Variants in SLC39A11 observed in about 807,000 individuals in gnomAD.
The protein encoded by SLC39A11 is zinc transporter ZIP11.
Under a neutral mutation model 36.1 loss-of-function variants are expected in SLC39A11, and 33 were observed. The ratio of observed to expected loss-of-function variants is 0.91; its 90% CI spans 0.69 to 1.22. The LOEUF (loss-of-function observed/expected upper bound fraction) is 1.22. Among genes scored for constraint, SLC39A11 ranks in the 50% most tolerant of loss-of-function variants. SLC39A11 has a pLI of 0.00. For missense variants in SLC39A11, 432 were observed against 430.3 expected, an observed-to-expected ratio of 1.00 and a Z score of -0.03; for synonymous variants, 166 against 170.3, an observed-to-expected ratio of 0.97 and a Z score of 0.20.
In SLC39A11 at chr17:72,875,814, G is replaced by T. The variant is rs186902532; in HGVS notation, c.431-26010C>A. ...GATTCCAAAGGCGAGGCTCAGTCAC[G>T]GGACCAAACTGAGGACTAGCTAAAA... is the stretch of plus-strand genomic sequence containing the variant. On this transcript the variant is annotated intron_variant, in intron 5 of 9. Coordinates refer to ENST00000255559, the MANE Select transcript of SLC39A11 (RefSeq NM_139177.4). Among the ~76,000 whole-genome samples the T allele has an allele frequency of 2.0e-3, 302 of 152,200 alleles. 2 individuals carry two copies. Among genetic ancestry groups the T allele is most frequent in the African/African-American group, 6.8e-3 (283 of 41,508 alleles).
chr17:72,890,890 A>G (rs1307727527), intron 5 of SLC39A11, among the ~76,000 whole-genome samples: 1 of 152,180 alleles, frequency 6.6e-6, no homozygotes, highest in Non-Finnish European at 1.5e-5. Flanking sequence ...GTCACCAGAA[A>G]GGAAGGATGA....
At chr17:72,894,168 C>T (rs2081906589) in intron 5 of SLC39A11, among the ~76,000 whole-genome samples, 3 of 151,266 alleles carry the variant, frequency 2.0e-5, no homozygotes, top group Admixed American at 2.0e-4. Context: ...TCAAGACCAG[C>T]CTGACCAACA....
chr17:72,696,478 C>T (rs957281170), intron 7 of SLC39A11, among the ~76,000 whole-genome samples: 12 of 152,126 alleles, frequency 7.9e-5, no homozygotes, highest in African/African-American at 1.9e-4. Context: ...ATGTTTAAAC[C>T]GAGATCTGAT....
At chr17:72,910,484 C>T (rs113471799) in intron 5 of SLC39A11, among the ~76,000 whole-genome samples, 17,371 of 151,708 alleles carry the variant, frequency 0.11, 1,278 homozygotes, top group South Asian at 0.23. Context: ...ATTAGCCAGG[C>T]GTGGTGGCAT....
intron 6 of SLC39A11, among the ~76,000 whole-genome samples, chr17:72,807,099 A>G (rs1038925978): frequency 6.6e-6 from 1 of 151,942 alleles, no homozygotes; most frequent in Admixed American, 6.6e-5. Context: ...GATTTCCAAG[A>G]GCTCCTTCTT....
intron 6 of SLC39A11, among the ~76,000 whole-genome samples, chr17:72,845,628 A>G (rs538266988): frequency 5.3e-5 from 8 of 152,340 alleles, no homozygotes; most frequent in South Asian, 2.1e-4. Flanking sequence ...TATTATGATG[A>G]TGTTCATCGA....
intron 5 of SLC39A11, among the ~76,000 whole-genome samples, chr17:72,861,666 T>TATATATATATATATATC (rs1555605356): frequency 1.9e-5 from 2 of 107,064 alleles, no homozygotes; most frequent in East Asian, 6.1e-4. Flanking sequence ...ATTATATATA[T>TATATATATATATATATC]ATATATATAT....
intron 7 of SLC39A11, among the ~76,000 whole-genome samples, chr17:72,689,005 C>G (rs2071888158): frequency 6.6e-6 from 1 of 152,196 alleles, no homozygotes; most frequent in Admixed American, 6.5e-5. Flanking sequence ...TCCCCCCACA[C>G]TGCCCAGGGC....
At position 72,779,209 on chromosome 17, in the gene SLC39A11, G is replaced by A. The variant is rs1029653368; in HGVS notation, c.602-42490C>T. ...CTGTAATCCCAGTACTTTGGGAAGC[G>A]GAAGCCAGCAGATCACTTGAGGTCA... On this transcript the variant is annotated intron_variant, in intron 6 of 9. Coordinates refer to ENST00000255559, the MANE Select transcript of SLC39A11 (RefSeq NM_139177.4). Among the ~76,000 whole-genome samples, 3 of 152,118 alleles carry A rather than the reference G, an allele frequency of 2.0e-5. No individual in the cohort carries two copies. The East Asian group carries it at 5.8e-4, about 29-fold the overall frequency.
chr17:72,660,444 T>G (rs1435336251), intron 7 of SLC39A11, among the ~76,000 whole-genome samples: 6 of 152,142 alleles, frequency 3.9e-5, no homozygotes, highest in Admixed American at 2.6e-4. Context: ...GATGGAGAAA[T>G]TGATGCTCAA....
chr17:72,772,535 A>G (rs193234066), intron 6 of SLC39A11, among the ~76,000 whole-genome samples: 102 of 152,234 alleles, frequency 6.7e-4, no homozygotes, highest in Non-Finnish European at 1.1e-3. Flanking sequence ...CCTGCTTAAG[A>G]AAATGCTGTC....
chr17:72,979,625 G>A (rs1009324929), intron 4 of SLC39A11, among the ~76,000 whole-genome samples: 34 of 152,136 alleles, frequency 2.2e-4, no homozygotes, highest in African/African-American at 7.7e-4. Flanking sequence ...AAGCGCCACA[G>A]AAAATCGAGC....
intron 3 of SLC39A11, among the ~76,000 whole-genome samples, chr17:73,070,936 C>T (rs972274136): frequency 2.6e-5 from 4 of 152,264 alleles, no homozygotes; most frequent in African/African-American, 9.6e-5. Context: ...TCTTTATCAG[C>T]AGCATGAAAA....
chr17:72,728,652 A>G (rs189703183), intron 7 of SLC39A11, among the ~76,000 whole-genome samples: 1 of 152,306 alleles, frequency 6.6e-6, no homozygotes, highest in African/African-American at 2.4e-5. Flanking sequence ...TCATTTCCAG[A>G]AATAGGTGTT....
chr17:72,855,314 G>A (rs1172579521), intron 5 of SLC39A11, among the ~76,000 whole-genome samples: 2 of 152,134 alleles, frequency 1.3e-5, no homozygotes, highest in Non-Finnish European at 2.9e-5. Flanking sequence ...TGGTGTAACC[G>A]GCTAAATCTA....
intron 5 of SLC39A11, among the ~76,000 whole-genome samples, chr17:72,945,013 T>C (rs1247745672): frequency 6.8e-6 from 1 of 147,872 alleles, no homozygotes; most frequent in Non-Finnish European, 1.5e-5. Context: ...CCGATGTCAT[T>C]ATATTTTTAA....
At chr17:73,078,668 CT>C (rs1006796429) in intron 3 of SLC39A11, among the ~76,000 whole-genome samples, 1 of 151,232 alleles carries the variant, frequency 6.6e-6, no homozygotes, top group Non-Finnish European at 1.5e-5. Context: ...TGTTTTTTGT[CT>C]TTTTTTTAAT....
chr17:72,727,646 C>CAGCCTGG, intron 7 of SLC39A11, among the ~76,000 whole-genome samples: 1 of 133,938 alleles, frequency 7.5e-6, no homozygotes, highest in Non-Finnish European at 1.6e-5. Context: ...AGTGAGACTC[C>CAGCCTGG]GTCTCAAAAA....
intron 3 of SLC39A11, among the ~76,000 whole-genome samples, chr17:73,065,639 G>C (rs2144365634): frequency 6.6e-6 from 1 of 152,256 alleles, no homozygotes; most frequent in Admixed American, 6.5e-5. Context: ...GCTAATTCTT[G>C]CTTCCAGAAT....
Sources: gnomAD v4.1 joint callset for allele counts (sites outside exome capture counted in the v4.1 genomes callset) on GRCh38, gnomAD v4.1.1 for gene constraint, MANE v1.5 for transcripts, NCBI Gene and HGNC (gene_info 2026-07-23, HGNC 2026-07-21) for gene names.